Variants in PCDH15 observed in about 807,000 individuals in gnomAD.
The protein encoded by PCDH15 is protocadherin related 15.
In PCDH15, 129 loss-of-function variants were observed where a neutral mutation model predicts 178.5. The observed-to-expected ratio is 0.72, with a 90% CI of 0.63 to 0.84. The LOEUF (loss-of-function observed/expected upper bound fraction) is 0.84. Among genes scored for constraint, PCDH15 ranks in the 40% least tolerant of loss-of-function variants. The pLI is 0.00. For synonymous variants in PCDH15, 800 were observed against 732.0 expected (o/e 1.09, Z -1.50); for missense variants, 2,230 against 2,099.9 (o/e 1.06, Z -1.21).
intron 18 of PCDH15, among the ~76,000 whole-genome samples, chr10:54,026,894 C>T (rs1461445550): frequency 1.3e-5 from 2 of 151,668 alleles, no homozygotes; most frequent in South Asian, 2.1e-4. Flanking sequence ...CAGGGATGCC[C>T]TCTCTCACCA....
chr10:53,889,542 A>G lies in PCDH15; in HGVS notation c.3501+13701T>C, dbSNP rs565341681. ...ACATGTTCATCACAGTGACTAAAAAAAAAAATCAGACAAAATCAAATTGTG... is the reference window on the plus strand; with the variant it reads ...ACATGTTCATCACAGTGACTAAAAAGAAAAATCAGACAAAATCAAATTGTG... On this transcript the variant is annotated intron_variant, in intron 26 of 37. Coordinates refer to ENST00000644397, the MANE Select transcript of PCDH15 (RefSeq NM_001384140.1). Among the ~76,000 whole-genome samples, 5 of 152,320 alleles carry G rather than the reference A, an allele frequency of 3.3e-5. No individual in the cohort carries two copies. The South Asian group carries it at 8.3e-4, about 25-fold the overall frequency.
At chr10:54,020,004 T>C (rs1318482283) in intron 20 of PCDH15, among the ~76,000 whole-genome samples, 188 bp downstream of exon 20, 1 of 152,122 alleles carries the variant, frequency 6.6e-6, no homozygotes, top group East Asian at 1.9e-4. Flanking sequence ...ATTTATCTTT[T>C]ATAGTCAAAA....
chr10:55,522,536 C>T (rs1201179822), intron 2 of PCDH15, among the ~76,000 whole-genome samples: 1 of 151,694 alleles, frequency 6.6e-6, no homozygotes. Context: ...ATTATATTCT[C>T]TTAATGATTG....
intron 1 of PCDH15, among the ~76,000 whole-genome samples, chr10:54,684,303 G>C (rs1409962622): frequency 6.6e-6 from 1 of 151,658 alleles, no homozygotes; most frequent in Non-Finnish European, 1.5e-5. Context: ...TGTAGGTATA[G>C]AATATTTGCT....
At chr10:54,532,983 G>T (rs1160408632) in intron 2 of PCDH15, among the ~76,000 whole-genome samples, 1 of 152,118 alleles carries the variant, frequency 6.6e-6, no homozygotes, top group Non-Finnish European at 1.5e-5. Context: ...GTCCAAGGTG[G>T]GTTCCTGCCT....
chr10:54,804,931 A>ATATATG (rs1554800507), upstream of PCDH15, among the ~76,000 whole-genome samples: 1 of 120,970 alleles, frequency 8.3e-6, no homozygotes, highest in Non-Finnish European at 1.8e-5. Context: ...AGTAGATTAT[A>ATATATG]TATATATATA....
Position 54,307,100 on chromosome 10 carries a change from GTGTGTATA to G in PCDH15, c.876+10163_876+10170del, listed in dbSNP as rs1406212587. Among the ~76,000 whole-genome samples the G allele has an allele frequency of 6.1e-3, 95 of 15,530 alleles. 10 individuals carry two copies. Among genetic ancestry groups the G allele is most frequent in the Middle Eastern group, 0.029 (1 of 34 alleles). 10.2% of individuals were successfully genotyped at this position (15,530 alleles called of 152,430 possible). On this transcript the variant is annotated intron_variant, in intron 8 of 37. Coordinates refer to ENST00000644397, the MANE Select transcript of PCDH15 (RefSeq NM_001384140.1). Reference sequence around the variant, plus strand: ...TATATACATATATATATATGTGTGTGTGTGTATATATATATATATATATATATATATAT... The same window carrying G: ...TATATACATATATATATATGTGTGTGTATATATATATATATATATATATAT...
chr10:54,985,788 T>C (rs1040542936), intron 2 of PCDH15, among the ~76,000 whole-genome samples: 5 of 152,210 alleles, frequency 3.3e-5, no homozygotes, highest in African/African-American at 1.2e-4. Context: ...GTTGAAGCAT[T>C]GTAAGTCAGG....
rs187635278 is a variant in PCDH15, at chr10:54,408,703, G to C, written c.158-29761C>G. ...GCAGCTATGATTCTATGTATGATTG[G>C]GGTTACTCTGACAAGATTATTTTTT... is the stretch of plus-strand genomic sequence containing the variant. On this transcript the variant is annotated intron_variant, in intron 3 of 37. Transcript: ENST00000644397. Among the ~76,000 whole-genome samples, 3 of 152,206 alleles carry C rather than the reference G, an allele frequency of 2.0e-5. No homozygotes were observed. In the East Asian group the frequency reaches 5.8e-4, roughly 29 times the overall value.
chr10:55,023,090 C>T (rs920004163), intron 2 of PCDH15, among the ~76,000 whole-genome samples: 2 of 152,070 alleles, frequency 1.3e-5, no homozygotes, highest in Non-Finnish European at 2.9e-5. Flanking sequence ...TGCAGGCGCC[C>T]GCCACCACGC....
Position 54,227,677 on chromosome 10 carries a change from G to T in PCDH15, c.985+9146C>A, listed in dbSNP as rs138730567. Among the ~76,000 whole-genome samples the T allele has an allele frequency of 5.6e-3, 859 of 152,258 alleles. 7 individuals carry two copies. The highest frequency in any genetic ancestry group is 0.019 in the African/African-American group (778 of 41,554). ...ATTTTCTTTTCTATCAAATTATCAG[G>T]CTGTAAATATTCTGAACTTTTATGC... On this transcript the variant is annotated intron_variant, in intron 9 of 37. Transcript: ENST00000644397.
intron 2 of PCDH15, 88 bp from the exon 3 acceptor site, chr10:54,527,965 T>C (rs2083520387): frequency 9.6e-7 from 1 of 1,044,688 alleles, no homozygotes; most frequent in Non-Finnish European, 1.5e-6. Context: ...TATTAATATT[T>C]AAAAAGGAAA....
rs1487000669 is a variant in PCDH15 at position 53,805,968 on chromosome 10, ATATAAATGTATTTATGGT to A, written c.*593_*610del. The A allele has an allele frequency of 6.6e-6, 1 of 152,324 alleles. No homozygotes were observed. The highest frequency in any genetic ancestry group is 1.9e-4 in the East Asian group (1 of 5,186). The allele number at this position is 152,324 out of a possible 1,614,324, so 9.4% of individuals were successfully genotyped here. A position where few individuals can be genotyped will look rare whatever the true frequency, so the allele number is the denominator to read the frequency against. Reference sequence around the variant, plus strand: ...TCAAGTGGTTTCCTAAAGGGTCAAGATATAAATGTATTTATGGTAAAATGTGAAAACCTTTATACAGGA... The same window carrying A: ...TCAAGTGGTTTCCTAAAGGGTCAAGAAAAATGTGAAAACCTTTATACAGGA... On this transcript the variant is annotated 3_prime_UTR_variant, in exon 38 of 38. Transcript: ENST00000644397.
At chr10:54,557,584 C>G (rs1399974856) in intron 2 of PCDH15, among the ~76,000 whole-genome samples, 5 of 152,054 alleles carry the variant, frequency 3.3e-5, no homozygotes, top group Non-Finnish European at 7.4e-5. Context: ...GAACACTGAA[C>G]AATTTCAGTG....
intron 2 of PCDH15, among the ~76,000 whole-genome samples, chr10:55,084,189 G>A (rs933500870): frequency 1.3e-5 from 2 of 151,746 alleles, no homozygotes; most frequent in African/African-American, 4.8e-5. Context: ...CAAAGCTATT[G>A]TAAACAAAAT....
intron 32 of PCDH15, chr10:53,823,232 T>TACATGAGCTGACTTGTGAGCCTC: frequency 6.2e-7 from 1 of 1,614,098 alleles, no homozygotes; most frequent in Middle Eastern, 1.6e-4. Context: ...GTGATCCGTC[T>TACATGAGCTGACTTGTGAGCCTC]ACATGAGCTG....
At chr10:54,622,698 T>TAA in intron 2 of PCDH15, among the ~76,000 whole-genome samples, 1 of 82,784 alleles carries the variant, frequency 1.2e-5, no homozygotes, top group East Asian at 2.5e-4. Context: ...ATAATATATA[T>TAA]TTTCTATATA....
intron 13 of PCDH15, among the ~76,000 whole-genome samples, chr10:54,174,490 G>A (rs1266496428): frequency 1.3e-5 from 2 of 151,614 alleles, no homozygotes; most frequent in East Asian, 1.9e-4. Flanking sequence ...AGCTGAGATC[G>A]CACCACTGCA....
Position 54,538,780 on chromosome 10 carries a change from C to A in PCDH15, c.92-10903G>T, listed in dbSNP as rs138639315. ...CCTCCTACTTTGGCCATGTCCCCAG[C>A]CATGCTTCCTGTACAGCCTGTGGAA... is the stretch of plus-strand genomic sequence containing the variant. On this transcript the variant is annotated intron_variant, in intron 2 of 37. Coordinates refer to ENST00000644397, the MANE Select transcript of PCDH15 (RefSeq NM_001384140.1). 9.5e-3 allele frequency among the ~76,000 whole-genome samples: 1,444 copies of A among 152,294 alleles called. 19 individuals carry two copies. The highest frequency in any genetic ancestry group is 0.033 in the African/African-American group (1,364 of 41,550).
Sources: allele counts gnomAD v4.1 joint callset (sites outside exome capture counted in the v4.1 genomes callset), GRCh38; gene constraint gnomAD v4.1.1; transcripts MANE v1.5; gene names NCBI Gene and HGNC (gene_info 2026-07-23, HGNC 2026-07-21).